Variants in FHIT observed in about 807,000 individuals in gnomAD.
The protein encoded by FHIT is fragile histidine triad diadenosine triphosphatase.
In FHIT, 19 loss-of-function variants were observed where a neutral mutation model predicts 17.9. That is an observed-to-expected ratio of 1.06 (90% CI 0.74 to 1.56). The LOEUF (loss-of-function observed/expected upper bound fraction) is 1.56. Ranked by LOEUF, FHIT falls within the 40% of genes most tolerant of loss-of-function variation. The probability of loss-of-function intolerance (pLI) is 0.00; values close to 1 mark genes in which losing one functional copy is unlikely to be tolerated. For missense variants in FHIT, 248 were observed against 189.2 expected, an observed-to-expected ratio of 1.31 and a Z score of -1.82; for synonymous variants, 81 against 69.7, an observed-to-expected ratio of 1.16 and a Z score of -0.81.
At chr3:60,957,912 GT>G (rs1400828634) in intron 3 of FHIT, among the ~76,000 whole-genome samples, 1 of 152,176 alleles carries the variant, frequency 6.6e-6, no homozygotes, top group Non-Finnish European at 1.5e-5. Context: ...CTTAACACCT[GT>G]TTGTTAAATA....
chr3:60,269,294 C>T (rs1706747340), intron 5 of FHIT, among the ~76,000 whole-genome samples: 1 of 152,126 alleles, frequency 6.6e-6, no homozygotes, highest in South Asian at 2.1e-4. Context: ...TATTGGGAAC[C>T]TTTGGTTGAT....
chr3:60,143,750 T>C (rs1700128337), intron 5 of FHIT, among the ~76,000 whole-genome samples: 1 of 152,128 alleles, frequency 6.6e-6, no homozygotes, highest in African/African-American at 2.4e-5. Context: ...TTTCTAAACT[T>C]ATTAACCTTG....
intron 5 of FHIT, among the ~76,000 whole-genome samples, chr3:60,479,131 C>T (rs949858468): frequency 6.6e-6 from 1 of 152,132 alleles, no homozygotes; most frequent in African/African-American, 2.4e-5. Context: ...TTCAGACGTG[C>T]CTTTCTCTGC....
intron 5 of FHIT, among the ~76,000 whole-genome samples, chr3:60,167,472 G>A (rs1701226227): frequency 6.6e-6 from 1 of 152,156 alleles, no homozygotes; most frequent in Admixed American, 6.5e-5. Context: ...ACCAATAGAG[G>A]AAACTCAGTA....
intron 1 of FHIT, among the ~76,000 whole-genome samples, chr3:61,247,490 A>G (rs1212313680): frequency 6.6e-6 from 1 of 152,170 alleles, no homozygotes; most frequent in African/African-American, 2.4e-5. Flanking sequence ...CTGCTTTTAA[A>G]TCAAGGATTT....
intron 3 of FHIT, among the ~76,000 whole-genome samples, chr3:60,960,381 A>G (rs1305734755): frequency 6.6e-6 from 1 of 152,218 alleles, no homozygotes; most frequent in African/African-American, 2.4e-5. Flanking sequence ...TAAAACTACA[A>G]TGAGAAACAT....
intron 1 of FHIT, among the ~76,000 whole-genome samples, chr3:61,238,228 T>C (rs79648602): frequency 0.078 from 11,858 of 152,220 alleles, 1,136 homozygotes; most frequent in East Asian, 0.41. Context: ...TAAAAGGGGA[T>C]GAAGTCTGCA....
intron 5 of FHIT, among the ~76,000 whole-genome samples, chr3:60,172,246 T>C (rs947911100): frequency 4.0e-5 from 6 of 151,656 alleles, no homozygotes; most frequent in Non-Finnish European, 7.4e-5. Flanking sequence ...CTAGAAGAAG[T>C]ATGGGTTTTT....
At chr3:60,516,584 C>A (rs2035168070) in intron 5 of FHIT, among the ~76,000 whole-genome samples, 1 of 152,092 alleles carries the variant, frequency 6.6e-6, no homozygotes, top group African/African-American at 2.4e-5. Flanking sequence ...TGGTCTAGAT[C>A]GATTTAGCTC....
intron 5 of FHIT, among the ~76,000 whole-genome samples, chr3:60,453,196 ATTTT>A (rs10718750): frequency 6.7e-6 from 1 of 149,084 alleles, no homozygotes; most frequent in Non-Finnish European, 1.5e-5. Context: ...GCCTGAGCAG[ATTTT>A]TTTTTTTTTT....
At chr3:61,029,320 T>G (rs1184220263) in intron 3 of FHIT, among the ~76,000 whole-genome samples, 1 of 152,186 alleles carries the variant, frequency 6.6e-6, no homozygotes, top group African/African-American at 2.4e-5. Context: ...GACCAAGGGT[T>G]TGAAGCAATC....
chr3:60,201,076 G>A (rs565086607), intron 5 of FHIT, among the ~76,000 whole-genome samples: 15 of 152,218 alleles, frequency 9.9e-5, no homozygotes, highest in Admixed American at 3.9e-4. Flanking sequence ...AAAGTACTCA[G>A]TCCAATTTAA....
chr3:59,902,759 C>T (rs1269528723), intron 8 of FHIT, among the ~76,000 whole-genome samples: 6 of 152,050 alleles, frequency 3.9e-5, no homozygotes, highest in Admixed American at 1.3e-4. Flanking sequence ...CTGTTAGAAA[C>T]AGAGCATGGA....
intron 5 of FHIT, among the ~76,000 whole-genome samples, chr3:60,295,822 TA>T (rs1338890423): frequency 6.6e-6 from 1 of 152,132 alleles, no homozygotes; most frequent in African/African-American, 2.4e-5. Context: ...CAAATGGTGC[TA>T]ACGCAGCTGG....
At chr3:60,880,325 A>G (rs1240526974) in intron 3 of FHIT, among the ~76,000 whole-genome samples, 2 of 152,232 alleles carry the variant, frequency 1.3e-5, no homozygotes, top group East Asian at 3.8e-4. Context: ...CAGAGAAGTA[A>G]AAACAGGGAA....
chr3:60,031,969 T>G, intron 5 of FHIT, among the ~76,000 whole-genome samples: 1 of 152,184 alleles, frequency 6.6e-6, no homozygotes, highest in East Asian at 1.9e-4. Context: ...AAAAAATATG[T>G]AAAGTAATAA....
chr3:60,107,026 A>G (rs1227655764), intron 5 of FHIT, among the ~76,000 whole-genome samples: 1 of 152,102 alleles, frequency 6.6e-6, no homozygotes, highest in Non-Finnish European at 1.5e-5. Flanking sequence ...TGGTTTTATA[A>G]TAGGTGAATT....
intron 5 of FHIT, among the ~76,000 whole-genome samples, chr3:60,043,612 G>A (rs979749346): frequency 1.3e-5 from 2 of 152,116 alleles, no homozygotes; most frequent in African/African-American, 4.8e-5. Flanking sequence ...TTTTGAACCT[G>A]AGCACTTATG....
intron 5 of FHIT, among the ~76,000 whole-genome samples, chr3:60,514,121 T>C (rs2035055561): frequency 6.6e-6 from 1 of 152,124 alleles, no homozygotes; most frequent in South Asian, 2.1e-4. Flanking sequence ...ACACTACCCT[T>C]CAATCCATTT....
Sources: gnomAD v4.1 joint callset for allele counts (sites outside exome capture counted in the v4.1 genomes callset) on GRCh38, gnomAD v4.1.1 for gene constraint, MANE v1.5 for transcripts, NCBI Gene and HGNC (gene_info 2026-07-23, HGNC 2026-07-21) for gene names.